GLRA3: variants seen among roughly 807,000 people sequenced by gnomAD.
GLRA3 encodes glycine receptor alpha 3.
GLRA3 carries 44 observed loss-of-function variants against 60.4 expected under a neutral mutation model. The observed-to-expected ratio is 0.73, with a 90% CI of 0.57 to 0.94. GLRA3 has a LOEUF of 0.94. Among genes scored for constraint, GLRA3 ranks in the 40% least tolerant of loss-of-function variants. GLRA3 has a pLI of 0.00. For synonymous variants in GLRA3, 223 were observed against 192.9 expected (o/e 1.16, Z -1.29); for missense variants, 508 against 564.6 (o/e 0.90, Z 1.02).
chr4:174,670,907 T>G (rs984769403), intron 7 of GLRA3, among the ~76,000 whole-genome samples: 1 of 152,116 alleles, frequency 6.6e-6, no homozygotes, highest in East Asian at 1.9e-4. Context: ...ACAGATAATT[T>G]TTTTTATCAG....
intron 1 of GLRA3, among the ~76,000 whole-genome samples, chr4:174,821,181 T>C (rs1019817024): frequency 6.6e-6 from 1 of 152,156 alleles, no homozygotes; most frequent in Non-Finnish European, 1.5e-5. Context: ...TTGAATAAAA[T>C]TATGATATGA....
At chr4:174,679,191 C>G (rs1489161460) in intron 6 of GLRA3, among the ~76,000 whole-genome samples, 2 of 151,954 alleles carry the variant, frequency 1.3e-5, no homozygotes, top group Non-Finnish European at 2.9e-5. Context: ...ATTAGCCAGT[C>G]GTGGTGGTGG....
intron 9 of GLRA3, among the ~76,000 whole-genome samples, chr4:174,654,518 T>C (rs963958411): frequency 6.6e-6 from 1 of 152,124 alleles, no homozygotes; most frequent in African/African-American, 2.4e-5. Context: ...CATATATAAA[T>C]AATAATTAAT....
intron 3 of GLRA3, among the ~76,000 whole-genome samples, chr4:174,738,908 G>T (rs1736901799): frequency 6.6e-6 from 1 of 152,138 alleles, no homozygotes; most frequent in African/African-American, 2.4e-5. Context: ...CATCTCATAG[G>T]CAAGGTCTCT....
At chr4:174,798,935 A>G (rs967016318) in intron 1 of GLRA3, among the ~76,000 whole-genome samples, 2 of 152,198 alleles carry the variant, frequency 1.3e-5, no homozygotes, top group African/African-American at 2.4e-5. Flanking sequence ...AAGGAAAAAA[A>G]AAAAAAGATT....
chr4:174,662,115 A>G (rs1733470619), intron 7 of GLRA3, among the ~76,000 whole-genome samples: 1 of 152,180 alleles, frequency 6.6e-6, no homozygotes. Flanking sequence ...ACATGTGCAT[A>G]TATTCCAGAG....
chr4:174,692,272 G>C (rs1250270711), intron 5 of GLRA3, among the ~76,000 whole-genome samples: 2 of 143,008 alleles, frequency 1.4e-5, no homozygotes, highest in Admixed American at 6.8e-5. Flanking sequence ...GAGGTGGGGG[G>C]GTCAGCACCC....
chr4:174,702,581 T>C (rs1735362389), intron 5 of GLRA3, among the ~76,000 whole-genome samples: 1 of 99,952 alleles, frequency 1.0e-5, no homozygotes, highest in Non-Finnish European at 2.2e-5. Flanking sequence ...ATATTTTTAT[T>C]TTTTGAGACA....
intron 4 of GLRA3, among the ~76,000 whole-genome samples, chr4:174,725,390 C>A (rs2111123881): frequency 6.6e-6 from 1 of 152,260 alleles, no homozygotes; most frequent in East Asian, 1.9e-4. Context: ...TTTGCTGAGG[C>A]TATTTTTCTC....
intron 4 of GLRA3, among the ~76,000 whole-genome samples, chr4:174,716,322 G>A (rs927221832): frequency 6.6e-6 from 1 of 152,272 alleles, no homozygotes; most frequent in Admixed American, 6.5e-5. Context: ...GGATAACCTA[G>A]ATGCTGTATA....
Position 174,733,787 on chromosome 4 carries a change from G to C in GLRA3, c.268-5089C>G, listed in dbSNP as rs565995994. 9.2e-5 allele frequency among the ~76,000 whole-genome samples: 14 copies of C among 152,242 alleles called. 1 individual carries two copies. The highest frequency in any genetic ancestry group is 3.4e-4 in the African/African-American group (14 of 41,544). ...TTTCCCACATGGCCCTGCATGGGAT[G>C]CTGTGCCTCTTGTCTCTAGGACCCG... On this transcript the variant is annotated intron_variant, in intron 3 of 9. Transcript: ENST00000274093.
intron 7 of GLRA3, among the ~76,000 whole-genome samples, 160 bp from the exon 8 acceptor site, chr4:174,659,357 T>C (rs1344825947): frequency 6.6e-6 from 1 of 152,212 alleles, no homozygotes; most frequent in East Asian, 1.9e-4. Flanking sequence ...TTAGTTATTT[T>C]TGTAAATTTT....
intron 3 of GLRA3, among the ~76,000 whole-genome samples, chr4:174,750,457 T>C (rs1475492740): frequency 6.6e-6 from 1 of 152,096 alleles, no homozygotes; most frequent in African/African-American, 2.4e-5. Flanking sequence ...ATTTAATATG[T>C]ATCCTCATTT....
intron 3 of GLRA3, among the ~76,000 whole-genome samples, chr4:174,746,628 T>C (rs966908877): frequency 6.6e-6 from 1 of 152,182 alleles, no homozygotes; most frequent in Non-Finnish European, 1.5e-5. Flanking sequence ...ATCATGTATA[T>C]TTCACAGTAA....
At chr4:174,765,247 G>A (rs1289684073) in intron 3 of GLRA3, among the ~76,000 whole-genome samples, 2 of 151,992 alleles carry the variant, frequency 1.3e-5, no homozygotes, top group African/African-American at 4.8e-5. Context: ...TGTTATAACA[G>A]TTTTAGTGGT....
intron 3 of GLRA3, among the ~76,000 whole-genome samples, chr4:174,763,641 T>C (rs952494736): frequency 3.9e-5 from 6 of 152,140 alleles, no homozygotes; most frequent in Non-Finnish European, 8.8e-5. Context: ...TCATCATAGG[T>C]TTGCAGGAGC....
At chr4:174,821,892 T>G (rs1740755585) in intron 1 of GLRA3, among the ~76,000 whole-genome samples, 1 of 152,170 alleles carries the variant, frequency 6.6e-6, no homozygotes, top group Admixed American at 6.5e-5. Context: ...TTTCTCCACT[T>G]GATAACACAA....
At chr4:174,765,846 T>A (rs780947272) in intron 3 of GLRA3, among the ~76,000 whole-genome samples, 1 of 152,006 alleles carries the variant, frequency 6.6e-6, no homozygotes, top group Admixed American at 6.6e-5. Context: ...ATTCAGTTCT[T>A]TTCCACAAAT....
chr4:174,679,768 A>G (rs922064267), intron 6 of GLRA3, among the ~76,000 whole-genome samples: 1 of 152,222 alleles, frequency 6.6e-6, no homozygotes, highest in African/African-American at 2.4e-5. Flanking sequence ...AGGCATAGAA[A>G]GACAATATCA....
Sources: allele counts gnomAD v4.1 joint callset (sites outside exome capture counted in the v4.1 genomes callset), GRCh38; gene constraint gnomAD v4.1.1; transcripts MANE v1.5; gene names NCBI Gene and HGNC (gene_info 2026-07-23, HGNC 2026-07-21).